The following TBC1D32 variants were observed in gnomAD, a reference collection of about 807,000 sequenced individuals.
TBC1D32 encodes the protein TBC1 domain family member 32.
Under a neutral mutation model 170.3 loss-of-function variants are expected in TBC1D32, and 151 were observed. That is an observed-to-expected ratio of 0.89 (90% CI 0.78 to 1.01). The LOEUF (loss-of-function observed/expected upper bound fraction) is 1.01, where lower values mean the gene tolerates loss of function less well. TBC1D32 is among the 50% of genes least tolerant of loss of function. TBC1D32 has a pLI of 0.00. For synonymous variants in TBC1D32, 498 were observed against 488.0 expected, an observed-to-expected ratio of 1.02 and a Z score of -0.27; for missense variants, 1,464 against 1,457.1, an observed-to-expected ratio of 1.00 and a Z score of -0.08.
chr6:121,269,058 A>G (rs905049000), intron 15 of TBC1D32, among the ~76,000 whole-genome samples: 1 of 152,186 alleles, frequency 6.6e-6, no homozygotes, highest in Middle Eastern at 3.2e-3. Flanking sequence ...AGACAAACAA[A>G]TGCTGAGAGA....
chr6:121,322,770 A>G (rs1165130565), intron 1 of TBC1D32, among the ~76,000 whole-genome samples: 8 of 152,214 alleles, frequency 5.3e-5, no homozygotes. Flanking sequence ...AATACTTGTT[A>G]GGTTGAAATA....
At chr6:121,118,701 A>G (rs1779934702) in intron 26 of TBC1D32, among the ~76,000 whole-genome samples, 1 of 152,150 alleles carries the variant, frequency 6.6e-6, no homozygotes, top group South Asian at 2.1e-4. Context: ...GCCCTCCCTT[A>G]CCTGTCCTAA....
intron 3 of TBC1D32, among the ~76,000 whole-genome samples, chr6:121,316,473 C>A (rs1323382475): frequency 6.6e-6 from 1 of 152,090 alleles, no homozygotes; most frequent in Non-Finnish European, 1.5e-5. Context: ...TATACCCCAC[C>A]TTTTTCCACA....
At chr6:121,185,517 C>A (rs1328422015) in intron 22 of TBC1D32, among the ~76,000 whole-genome samples, 1 of 152,058 alleles carries the variant, frequency 6.6e-6, no homozygotes, top group Admixed American at 6.6e-5. Context: ...AATATGGATT[C>A]CCTTATCAGA....
intron 17 of TBC1D32, among the ~76,000 whole-genome samples, chr6:121,246,260 T>C (rs774210998): frequency 3.3e-5 from 5 of 152,154 alleles, no homozygotes; most frequent in Admixed American, 3.3e-4. Flanking sequence ...GGAAAGACAG[T>C]GCACAAAGAT....
At chr6:121,276,981 A>G (rs1288239097) in intron 15 of TBC1D32, among the ~76,000 whole-genome samples, 2 of 152,208 alleles carry the variant, frequency 1.3e-5, no homozygotes, top group Non-Finnish European at 2.9e-5. Flanking sequence ...ACATACCTCT[A>G]TCAGTAATTG....
intron 26 of TBC1D32, among the ~76,000 whole-genome samples, chr6:121,118,611 A>G (rs1290573956): frequency 1.3e-5 from 2 of 152,176 alleles, no homozygotes; most frequent in Non-Finnish European, 2.9e-5. Flanking sequence ...TTTTCAGAAG[A>G]GTAAAGAATT....
At chr6:121,186,672 G>GCTTTA (rs1370214234) in intron 22 of TBC1D32, among the ~76,000 whole-genome samples, 4 of 151,884 alleles carry the variant, frequency 2.6e-5, no homozygotes, top group Non-Finnish European at 5.9e-5. Flanking sequence ...TCTCTCTCCT[G>GCTTTA]CTTTACGTAG....
intron 27 of TBC1D32, 62 bp downstream of exon 27, chr6:121,115,110 C>T: frequency 1.6e-6 from 2 of 1,281,404 alleles, no homozygotes; most frequent in East Asian, 2.4e-5. Context: ...CTACTGAGCA[C>T]ATATGAGGCA....
In TBC1D32 at chr6:121,080,355, C is replaced by G; in HGVS notation, c.*416G>C. On this transcript the variant is annotated 3_prime_UTR_variant, in exon 32 of 32. Transcript: ENST00000398212. ...GCCTCAGCCTCCCAAGTAGCAGGGA[C>G]TACAGGCGCATCACTGCACCCAGCT... is the stretch of plus-strand genomic sequence containing the variant. 2.9e-6 allele frequency: 1 copy of G among 339,626 alleles called. No homozygotes were observed. Among genetic ancestry groups the G allele is most frequent in the Non-Finnish European group, 6.1e-6 (1 of 163,982 alleles). The allele number at this position is 339,626 out of a possible 1,614,324, so 21.0% of individuals were successfully genotyped here. A position where few individuals can be genotyped will look rare whatever the true frequency, so the allele number is the denominator to read the frequency against.
At chr6:121,333,039 A>C (rs1811406089) in intron 1 of TBC1D32, among the ~76,000 whole-genome samples, 1 of 152,150 alleles carries the variant, frequency 6.6e-6, no homozygotes, top group African/African-American at 2.4e-5. Flanking sequence ...AGTAAACACA[A>C]ACTTGTACAT....
intron 22 of TBC1D32, among the ~76,000 whole-genome samples, chr6:121,174,355 G>A (rs779971350): frequency 4.6e-5 from 7 of 151,774 alleles, no homozygotes; most frequent in African/African-American, 7.3e-5. Context: ...AATTCTCCCC[G>A]GGAGAAAAAA....
In TBC1D32 at chr6:121,080,675, C is replaced by G; in HGVS notation, c.*96G>C. On this transcript the variant is annotated 3_prime_UTR_variant, in exon 32 of 32. Coordinates refer to ENST00000398212, the MANE Select transcript of TBC1D32 (RefSeq NM_152730.6). The stretch of plus-strand genomic sequence containing the variant: ...TCAGTATTTACAATATGTATATTCA[C>G]AAAGTAAATGTTGTTACAGACACAG... 2 of 1,433,798 alleles carry G rather than the reference C, an allele frequency of 1.4e-6. No individual in the cohort carries two copies. Among genetic ancestry groups the G allele is most frequent in the Non-Finnish European group, 1.9e-6 (2 of 1,068,176 alleles). The allele number at this position is 1,433,798 out of a possible 1,614,324, so 88.8% of individuals were successfully genotyped here. A position where few individuals can be genotyped will look rare whatever the true frequency, so the allele number is the denominator to read the frequency against.
At chr6:121,156,999 T>C (rs1784983403) in intron 24 of TBC1D32, among the ~76,000 whole-genome samples, 2 of 151,916 alleles carry the variant, frequency 1.3e-5, no homozygotes, top group Non-Finnish European at 2.9e-5. Flanking sequence ...TTAGGTGGAG[T>C]ATTCTTTGGA....
At chr6:121,237,561 T>C (rs986814832) in intron 20 of TBC1D32, among the ~76,000 whole-genome samples, 1 of 152,120 alleles carries the variant, frequency 6.6e-6, no homozygotes, top group Middle Eastern at 3.4e-3. Context: ...TTTTATTTCA[T>C]TCTCTGCTCT....
intron 29 of TBC1D32, among the ~76,000 whole-genome samples, chr6:121,112,073 T>G (rs1161661784): frequency 1.3e-5 from 2 of 152,152 alleles, no homozygotes; most frequent in Non-Finnish European, 1.5e-5. Context: ...AAACACTCAG[T>G]ATAGATTTAC....
At chr6:121,186,879 G>GT (rs1789270668) in intron 22 of TBC1D32, among the ~76,000 whole-genome samples, 1 of 151,208 alleles carries the variant, frequency 6.6e-6, no homozygotes, top group African/African-American at 2.4e-5. Flanking sequence ...TGCTATTGCT[G>GT]TTGACTAAAA....
intron 15 of TBC1D32, 141 bp from the exon 16 acceptor site, chr6:121,256,426 C>T: frequency 3.0e-6 from 2 of 658,002 alleles, no homozygotes; most frequent in Non-Finnish European, 5.1e-6. Context: ...CGTTCCCACC[C>T]ATGCACAGAT....
At chr6:121,174,875 C>T (rs1309394891) in intron 22 of TBC1D32, among the ~76,000 whole-genome samples, 1 of 151,802 alleles carries the variant, frequency 6.6e-6, no homozygotes, top group African/African-American at 2.4e-5. Context: ...ATTAAAAATA[C>T]AAAAAATTAG....
Sources: allele counts gnomAD v4.1 joint callset (sites outside exome capture counted in the v4.1 genomes callset), GRCh38; gene constraint gnomAD v4.1.1; transcripts MANE v1.5; gene names NCBI Gene and HGNC (gene_info 2026-07-23, HGNC 2026-07-21).